Variants in RABGEF1 observed in about 807,000 individuals in gnomAD.
RABGEF1 encodes rab5 GDP/GTP exchange factor.
In RABGEF1, 26 loss-of-function variants were observed where a neutral mutation model predicts 57.3. The ratio of observed to expected loss-of-function variants is 0.45; its 90% CI spans 0.33 to 0.63. RABGEF1 has a LOEUF of 0.63. RABGEF1 is among the 20% of genes least tolerant of loss of function. The pLI is 0.02. For synonymous variants in RABGEF1, 185 were observed against 210.7 expected (o/e 0.88, Z 1.06); for missense variants, 464 against 607.6 (o/e 0.76, Z 2.48).
intron 1 of RABGEF1, among the ~76,000 whole-genome samples, chr7:66,754,024 A>G (rs1158430549): frequency 1.5e-4 from 19 of 122,776 alleles, no homozygotes; most frequent in Admixed American, 2.7e-4. Context: ...TTTTTTTGAG[A>G]CAGAGTCTTG....
At chr7:66,754,657 G>C (rs1338174522) in intron 1 of RABGEF1, among the ~76,000 whole-genome samples, 1 of 152,106 alleles carries the variant, frequency 6.6e-6, no homozygotes, top group Non-Finnish European at 1.5e-5. Context: ...TTATATTTTA[G>C]ATACAAAAGA....
chr7:66,749,747 G>A (rs1023856944), intron 1 of RABGEF1, among the ~76,000 whole-genome samples: 9 of 152,024 alleles, frequency 5.9e-5, no homozygotes, highest in South Asian at 4.1e-4. Context: ...CAAGGCGGGC[G>A]GATCACGAGG....
intron 4 of RABGEF1, 115 bp downstream of exon 4, chr7:66,783,956 G>C (rs1449480418): frequency 2.0e-6 from 2 of 1,017,676 alleles, no homozygotes; most frequent in African/African-American, 3.3e-5. Flanking sequence ...ACCAAGAGAT[G>C]TTAAATTACT....
At chr7:66,666,476 G>A in the RABGEF1 span, among the ~76,000 whole-genome samples, 161 of 152,322 alleles carry the variant, frequency 1.1e-3, no homozygotes, top group African/African-American at 3.6e-3. Flanking sequence ...AGTGAGCCAG[G>A]CGGGCCCTAG....
At chr7:66,706,660 C>T (rs940527032) in intron 1 of RABGEF1, among the ~76,000 whole-genome samples, 1 of 151,794 alleles carries the variant, frequency 6.6e-6, no homozygotes, top group African/African-American at 2.4e-5. Flanking sequence ...ATGATCCGCC[C>T]GCCTCGGCCT....
chr7:66,711,533 G>T (rs1266216400), intron 1 of RABGEF1, among the ~76,000 whole-genome samples: 1 of 151,358 alleles, frequency 6.6e-6, no homozygotes, highest in African/African-American at 2.4e-5. Flanking sequence ...TGTCTTTGCA[G>T]TTTTGTCAAA....
chr7:66,804,561 C>T (rs1221877716), intron 7 of RABGEF1, among the ~76,000 whole-genome samples: 1 of 151,940 alleles, frequency 6.6e-6, no homozygotes, highest in Non-Finnish European at 1.5e-5. Flanking sequence ...ATGGTGAAAC[C>T]CCGTTTCTAC....
At chr7:66,700,940 G>A (rs1479361569) in intron 1 of RABGEF1, among the ~76,000 whole-genome samples, 1 of 152,216 alleles carries the variant, frequency 6.6e-6, no homozygotes, top group African/African-American at 2.4e-5. Context: ...CTCTGGGGTG[G>A]CAGAGAGCCA....
chr7:66,689,317 A>G (rs1447412571), intron 1 of RABGEF1, among the ~76,000 whole-genome samples: 3 of 147,624 alleles, frequency 2.0e-5, no homozygotes, highest in African/African-American at 5.1e-5. Flanking sequence ...ATTTACTAAG[A>G]AAAAAAAAAG....
intron 2 of RABGEF1, among the ~76,000 whole-genome samples, chr7:66,715,120 C>T (rs1414805967): frequency 4.6e-5 from 7 of 151,674 alleles, no homozygotes; most frequent in Non-Finnish European, 1.5e-5. Flanking sequence ...AACTCCTCCT[C>T]TTCCTTTCTT....
intron 4 of RABGEF1, among the ~76,000 whole-genome samples, chr7:66,790,082 G>A (rs1170294410): frequency 6.6e-6 from 1 of 152,238 alleles, no homozygotes; most frequent in Non-Finnish European, 1.5e-5. Flanking sequence ...CAGCAGATCA[G>A]CCAAAAATTG....
the RABGEF1 span, among the ~76,000 whole-genome samples, chr7:66,666,698 T>G: frequency 5.3e-5 from 8 of 152,216 alleles, no homozygotes; most frequent in Non-Finnish European, 7.3e-5. Context: ...CCAACACCCT[T>G]GCTCTTTATC....
intron 3 of RABGEF1, among the ~76,000 whole-genome samples, chr7:66,782,456 C>T (rs1810162022): frequency 6.7e-6 from 1 of 148,160 alleles, no homozygotes; most frequent in Non-Finnish European, 1.5e-5. Flanking sequence ...GCACAGTGTA[C>T]ATACCTTACT....
intron 1 of RABGEF1, among the ~76,000 whole-genome samples, chr7:66,700,563 G>C (rs1793102724): frequency 6.6e-6 from 1 of 151,896 alleles, no homozygotes; most frequent in Non-Finnish European, 1.5e-5. Flanking sequence ...AATTAGCTGG[G>C]ACAGTGAGGA....
intron 1 of RABGEF1, among the ~76,000 whole-genome samples, chr7:66,710,131 A>T (rs1562722563): frequency 6.6e-6 from 1 of 152,240 alleles, no homozygotes; most frequent in Non-Finnish European, 1.5e-5. Context: ...ATATAAATGA[A>T]ATCATTTACT....
At chr7:66,776,420 C>T (rs886215754) in intron 3 of RABGEF1, among the ~76,000 whole-genome samples, 2 of 152,146 alleles carry the variant, frequency 1.3e-5, no homozygotes, top group Non-Finnish European at 2.9e-5. Context: ...AGACCTGGTG[C>T]GGTAGCTCAA....
upstream of RABGEF1, among the ~76,000 whole-genome samples, chr7:66,737,051 GGAGAGAGA>G (rs146350696): frequency 3.2e-5 from 4 of 124,920 alleles, no homozygotes; most frequent in Non-Finnish European, 7.0e-5. Flanking sequence ...ATATGAGGGG[GGAGAGAGA>G]GAGAGAGAGA....
chr7:66,781,989 G>A (rs1302418023), intron 3 of RABGEF1, among the ~76,000 whole-genome samples: 3 of 152,214 alleles, frequency 2.0e-5, no homozygotes, highest in African/African-American at 7.2e-5. Context: ...TCATATTTTT[G>A]TCTGACCTTC....
intron 1 of RABGEF1, among the ~76,000 whole-genome samples, chr7:66,753,700 C>CTTTTTT (rs1562788670): frequency 2.5e-5 from 2 of 78,508 alleles, no homozygotes; most frequent in Non-Finnish European, 5.6e-5. Flanking sequence ...ATTTTGCCAT[C>CTTTTTT]GTTTTTTTTT....
Sources: allele counts gnomAD v4.1 joint callset (sites outside exome capture counted in the v4.1 genomes callset), GRCh38; gene constraint gnomAD v4.1.1; transcripts MANE v1.5; gene names NCBI Gene and HGNC (gene_info 2026-07-23, HGNC 2026-07-21).